The following PCDHGA2 variants were observed in gnomAD, a reference collection of about 807,000 sequenced individuals.
PCDHGA2 encodes protocadherin gamma subfamily A, 2.
A neutral mutation model predicts 59.2 loss-of-function variants in PCDHGA2; 40 were observed. The observed-to-expected ratio is 0.68, with a 90% CI of 0.52 to 0.88. The LOEUF is 0.88. Ranked by LOEUF, PCDHGA2 falls within the 40% of genes least tolerant of loss-of-function variation. The probability of loss-of-function intolerance (pLI) is 0.00; values close to 1 mark genes in which losing one functional copy is unlikely to be tolerated. For missense variants in PCDHGA2, 1,226 were observed against 1,204.0 expected, an observed-to-expected ratio of 1.02 and a Z score of -0.27; for synonymous variants, 560 against 526.0, an observed-to-expected ratio of 1.06 and a Z score of -0.89.
At chr5:141,356,746 G>C in intron 1 of PCDHGA2, 1 of 1,613,970 alleles carries the variant, frequency 6.2e-7, no homozygotes, top group Non-Finnish European at 8.5e-7. Context: ...GATCCTATAT[G>C]CTCTTTGCTC....
chr5:141,353,496 T>C lies in PCDHGA2; in HGVS notation c.2424+12101T>C, dbSNP rs568186327. ...TTAAGACTCTTAACACTTTGTCTCA[T>C]CACAAGTAGCAAATATTGTCCAATT... On this transcript the variant is annotated intron_variant, in intron 1 of 3. Coordinates refer to ENST00000394576, the MANE Select transcript of PCDHGA2 (RefSeq NM_018915.4). 2.6e-5 allele frequency among the ~76,000 whole-genome samples: 4 copies of C among 152,300 alleles called. No individual in the cohort carries two copies. The South Asian group carries it at 8.3e-4, about 32-fold the overall frequency.
chr5:141,399,893 C>G (rs2093913222), intron 1 of PCDHGA2: 2 of 1,612,566 alleles, frequency 1.2e-6, no homozygotes, highest in Non-Finnish European at 1.7e-6. Flanking sequence ...AAGGTAGTGG[C>G]CGTGGACGCA....
chr5:141,371,481 G>A (rs1296629306), intron 1 of PCDHGA2: 1 of 1,613,956 alleles, frequency 6.2e-7, no homozygotes, highest in South Asian at 1.1e-5. Flanking sequence ...TGCTGAGCTG[G>A]GGACTGCCGT....
chr5:141,452,652 C>T (rs1420422511), intron 1 of PCDHGA2, among the ~76,000 whole-genome samples: 1 of 151,916 alleles, frequency 6.6e-6, no homozygotes. Flanking sequence ...TCATTTGCTC[C>T]ATCCACTGCA....
rs1413288410 is a variant in PCDHGA2 at position 141,392,726 on chromosome 5, T to C, written c.2424+51331T>C. On this transcript the variant is annotated intron_variant, in intron 1 of 3. Transcript: ENST00000394576. The stretch of plus-strand genomic sequence containing the variant: ...GGAGGCACTCCAGGTTTCCGGAGGA[T>C]TGTCATCTCCATAGCTGCGGCAAGA... 4.3e-6 allele frequency: 6 copies of C among 1,399,264 alleles called. No individual in the cohort carries two copies. The African/African-American group carries it at 8.7e-5, about 20-fold the overall frequency. 86.7% of individuals were successfully genotyped at this position (1,399,264 alleles called of 1,614,324 possible).
At chr5:141,494,965 C>T in intron 2 of PCDHGA2, 100 bp downstream of exon 2, 1 of 1,592,636 alleles carries the variant, frequency 6.3e-7, no homozygotes, top group Non-Finnish European at 8.6e-7. Context: ...CTACAGATGG[C>T]TTCTCCCTCA....
At chr5:141,494,926 G>C in intron 2 of PCDHGA2, 61 bp downstream of exon 2, 2 of 1,613,498 alleles carry the variant, frequency 1.2e-6, no homozygotes, top group Non-Finnish European at 1.7e-6. Context: ...GGATGACGTG[G>C]GAGGAGATGG....
chr5:141,450,592 T>G (rs1403924348), intron 1 of PCDHGA2, among the ~76,000 whole-genome samples: 1 of 151,838 alleles, frequency 6.6e-6, no homozygotes, highest in Non-Finnish European at 1.5e-5. Context: ...GTTCAAGCAA[T>G]TCTCCTGCCT....
intron 1 of PCDHGA2, chr5:141,428,732 T>C (rs976924838): frequency 1.3e-5 from 2 of 159,284 alleles, no homozygotes; most frequent in African/African-American, 4.8e-5. Context: ...CTTAAACATA[T>C]TATATCTACT....
In PCDHGA2 at chr5:141,410,849, CTTTTTTT is replaced by C. The variant is rs759346998; in HGVS notation, c.2424+69470_2424+69476del. 8.7e-3 allele frequency: 1,205 copies of C among 138,184 alleles called. 49 individuals are homozygous for C. Among genetic ancestry groups the C allele is most frequent in the African/African-American group, 0.064 (1,073 of 16,650 alleles). 8.6% of individuals were successfully genotyped at this position (138,184 alleles called of 1,614,324 possible). ...CAGACTGAAGATATTTTGTCTTTGT[CTTTTTTT>C]TTTTTTTTTTTTTTTGAGATGGAGT... is the stretch of plus-strand genomic sequence containing the variant. On this transcript the variant is annotated intron_variant, in intron 1 of 3. Coordinates refer to ENST00000394576, the MANE Select transcript of PCDHGA2 (RefSeq NM_018915.4).
intron 1 of PCDHGA2, among the ~76,000 whole-genome samples, chr5:141,488,839 G>A (rs954244872): frequency 2.6e-5 from 4 of 152,206 alleles, no homozygotes; most frequent in African/African-American, 9.6e-5. Flanking sequence ...CAAGGGGGCT[G>A]AATCAACCTG....
intron 1 of PCDHGA2, chr5:141,427,536 G>A (rs758610182): frequency 4.8e-6 from 3 of 626,396 alleles, no homozygotes; most frequent in Middle Eastern, 2.5e-4. Flanking sequence ...GGAGTACAAC[G>A]TCACCATCAC....
intron 1 of PCDHGA2, among the ~76,000 whole-genome samples, chr5:141,444,175 TTTTTTTTTTTTTTG>T (rs2098423325): frequency 7.6e-6 from 1 of 131,192 alleles, no homozygotes; most frequent in African/African-American, 3.0e-5. Flanking sequence ...TTTTTTTTTT[TTTTTTTTTTTTTTG>T]AGATGGAGTT....
At chr5:141,461,794 C>T (rs191966750) in intron 1 of PCDHGA2, among the ~76,000 whole-genome samples, 7 of 152,134 alleles carry the variant, frequency 4.6e-5, no homozygotes, top group African/African-American at 1.7e-4. Flanking sequence ...GCTGGGATTA[C>T]AGGTGCCCAC....
chr5:141,417,550 A>G, intron 1 of PCDHGA2: 1 of 326,094 alleles, frequency 3.1e-6, no homozygotes, highest in Non-Finnish European at 5.5e-6. Flanking sequence ...ATTCCTTGAA[A>G]GAGGTAGAGA....
intron 1 of PCDHGA2, chr5:141,392,656 G>T: frequency 1.3e-6 from 1 of 748,568 alleles, no homozygotes; most frequent in South Asian, 2.2e-5. Context: ...ACCCGCAGAT[G>T]CCACAAACTA....
intron 1 of PCDHGA2, chr5:141,383,477 A>T: frequency 6.2e-7 from 1 of 1,613,722 alleles, no homozygotes; most frequent in Non-Finnish European, 8.5e-7. Context: ...AAGTACCCGG[A>T]ACTGGTGCTG....
At position 141,491,413 on chromosome 5, in the gene PCDHGA2, G is replaced by A. The variant is rs1193417991; in HGVS notation, c.2425-3394G>A. 5.6e-6 allele frequency: 9 copies of A among 1,613,946 alleles called. No individual in the cohort carries two copies. Among genetic ancestry groups the A allele is most frequent in the Non-Finnish European group, 7.6e-6 (9 of 1,179,986 alleles). On this transcript the variant is annotated intron_variant, in intron 1 of 3. Transcript: ENST00000394576. The surrounding 1 kb of genome is among the most constrained non-coding windows in gnomAD (Gnocchi z 6.9). Reference sequence around the variant, plus strand: ...CCTTCAGGGAAACGCAGACGGGGACGGGGGTGGAGGGCAGTGCTGCAGGCG... The same window carrying A: ...CCTTCAGGGAAACGCAGACGGGGACAGGGGTGGAGGGCAGTGCTGCAGGCG...
chr5:141,457,279 G>A (rs948609305), intron 1 of PCDHGA2, among the ~76,000 whole-genome samples: 2 of 152,190 alleles, frequency 1.3e-5, no homozygotes, highest in African/African-American at 4.8e-5. Flanking sequence ...GTGGGCCTAC[G>A]AAGTTCCTTG....
Sources: allele counts gnomAD v4.1 joint callset (sites outside exome capture counted in the v4.1 genomes callset), GRCh38; gene constraint gnomAD v4.1.1; non-coding constraint Gnocchi (gnomAD v3.1); transcripts MANE v1.5; gene names NCBI Gene and HGNC (gene_info 2026-07-23, HGNC 2026-07-21).